ANTXR2: variants seen among roughly 807,000 people sequenced by gnomAD.
ANTXR2 encodes ANTXR cell adhesion molecule 2.
A neutral mutation model predicts 73.7 loss-of-function variants in ANTXR2; 44 were observed. That is an observed-to-expected ratio of 0.60 (90% confidence interval 0.47 to 0.77). The LOEUF (loss-of-function observed/expected upper bound fraction) is 0.77, where lower values mean the gene tolerates loss of function less well. Among genes scored for constraint, ANTXR2 ranks in the 30% least tolerant of loss-of-function variants. ANTXR2 has a pLI of 0.00. For missense variants in ANTXR2, 604 were observed against 592.5 expected (o/e 1.02, Z -0.20); for synonymous variants, 217 against 205.9 (o/e 1.05, Z -0.46).
chr4:80,021,075 G>A (rs934940398), intron 10 of ANTXR2, among the ~76,000 whole-genome samples: 1 of 147,632 alleles, frequency 6.8e-6, no homozygotes, highest in Non-Finnish European at 1.5e-5. Flanking sequence ...CTTGAACCCG[G>A]GAGGCAGAGG....
chr4:79,943,814 G>T (rs572599946), intron 16 of ANTXR2, among the ~76,000 whole-genome samples: 21 of 151,998 alleles, frequency 1.4e-4, no homozygotes, highest in African/African-American at 5.1e-4. Flanking sequence ...GAAATATTTT[G>T]ATGTCTGGTT....
intron 10 of ANTXR2, among the ~76,000 whole-genome samples, chr4:80,028,422 T>A (rs927371486): frequency 3.3e-5 from 5 of 152,028 alleles, no homozygotes; most frequent in Non-Finnish European, 5.9e-5. Context: ...AAAAGAATAA[T>A]CCTCAAACAA....
chr4:80,027,932 G>T (rs766061924), intron 10 of ANTXR2, among the ~76,000 whole-genome samples: 1 of 152,100 alleles, frequency 6.6e-6, no homozygotes, highest in Non-Finnish European at 1.5e-5. Context: ...ATCAGAGAAT[G>T]CATCCTATTC....
At chr4:80,001,388 T>G (rs1050769049) in intron 12 of ANTXR2, among the ~76,000 whole-genome samples, 2 of 145,086 alleles carry the variant, frequency 1.4e-5, no homozygotes, top group African/African-American at 5.1e-5. Flanking sequence ...CATTGTTCAA[T>G]TCCCACATTC....
At chr4:80,034,909 G>A (rs193112992) in intron 8 of ANTXR2, among the ~76,000 whole-genome samples, 15 of 152,142 alleles carry the variant, frequency 9.9e-5, no homozygotes, top group Admixed American at 3.3e-4. Flanking sequence ...ATAAAGTGCA[G>A]GTAAAATGTG....
At chr4:79,997,941 A>G (rs1399115058) in intron 12 of ANTXR2, among the ~76,000 whole-genome samples, 1 of 152,004 alleles carries the variant, frequency 6.6e-6, no homozygotes, top group African/African-American at 2.4e-5. Flanking sequence ...AACATAAATC[A>G]TTTTAATTAA....
intron 12 of ANTXR2, among the ~76,000 whole-genome samples, chr4:80,007,345 A>G (rs1731352038): frequency 6.6e-6 from 1 of 152,180 alleles, no homozygotes; most frequent in Non-Finnish European, 1.5e-5. Context: ...TAAAAGGAAT[A>G]TTCTCAAAAT....
chr4:79,934,855 A>T (rs568916425), intron 16 of ANTXR2, among the ~76,000 whole-genome samples: 8 of 152,156 alleles, frequency 5.3e-5, no homozygotes, highest in African/African-American at 1.9e-4. Context: ...AAAAAAAAAA[A>T]ACTGTCTACT....
chr4:80,000,936 A>C (rs1731000075), intron 12 of ANTXR2, among the ~76,000 whole-genome samples: 1 of 152,046 alleles, frequency 6.6e-6, no homozygotes, highest in African/African-American at 2.4e-5. Flanking sequence ...ACCCCTGAGG[A>C]AGCTGTCCAT....
chr4:80,031,555 A>T, intron 10 of ANTXR2, 68 bp downstream of exon 10: 1 of 1,178,632 alleles, frequency 8.5e-7, no homozygotes, highest in Non-Finnish European at 1.2e-6. Flanking sequence ...TGACCAATGT[A>T]TATGTCACCA....
At chr4:80,042,797 T>C (rs564727889) in intron 7 of ANTXR2, among the ~76,000 whole-genome samples, 27 of 151,992 alleles carry the variant, frequency 1.8e-4, no homozygotes, top group South Asian at 6.2e-4. Context: ...GATCCCAACA[T>C]CGCAAAAACA....
intron 11 of ANTXR2, among the ~76,000 whole-genome samples, chr4:80,017,015 C>T (rs1202645100): frequency 6.6e-6 from 1 of 152,264 alleles, no homozygotes; most frequent in African/African-American, 2.4e-5. Flanking sequence ...CTCGCAAAGT[C>T]TGTTTTCATA....
At chr4:80,001,230 T>C (rs907871547) in intron 12 of ANTXR2, among the ~76,000 whole-genome samples, 4 of 151,864 alleles carry the variant, frequency 2.6e-5, no homozygotes, top group African/African-American at 7.2e-5. Flanking sequence ...GTTAGTTACA[T>C]ATGTATACAT....
At chr4:79,999,776 T>C (rs1297699096) in intron 12 of ANTXR2, among the ~76,000 whole-genome samples, 1 of 152,020 alleles carries the variant, frequency 6.6e-6, no homozygotes, top group Non-Finnish European at 1.5e-5. Flanking sequence ...TAGTAGTCAG[T>C]AGTTATGGTG....
chr4:79,960,965 A>C (rs1729118063), intron 16 of ANTXR2, among the ~76,000 whole-genome samples: 1 of 152,002 alleles, frequency 6.6e-6, no homozygotes, highest in South Asian at 2.1e-4. Flanking sequence ...GGGCAATAAA[A>C]GCTTCCTACT....
chr4:80,029,913 A>AGACC (rs984770838), intron 10 of ANTXR2, among the ~76,000 whole-genome samples: 2 of 151,936 alleles, frequency 1.3e-5, no homozygotes, highest in African/African-American at 4.8e-5. Flanking sequence ...ATGAGAGGCC[A>AGACC]GACCCTGTAG....
rs529341744 is a variant in ANTXR2, at chr4:80,019,706, C to A, written c.867-730G>T. 3.9e-5 allele frequency among the ~76,000 whole-genome samples: 6 copies of A among 151,994 alleles called. No individual in the cohort carries two copies. In the East Asian group the frequency reaches 9.7e-4, roughly 24 times the overall value. On this transcript the variant is annotated intron_variant, in intron 10 of 16. Coordinates refer to ENST00000403729, the MANE Select transcript of ANTXR2 (RefSeq NM_058172.6). ...AGAAAGTGAATATGAAAGACAGCAA[C>A]AAAGAAAAGAAAGGGAGAAAGATTT...
rs1219140691 is a variant in ANTXR2 at position 79,955,839 on chromosome 4, G to A, written c.1428+21782C>T. On this transcript the variant is annotated intron_variant, in intron 16 of 16. Transcript: ENST00000403729. ...AGTGTTCTTTCCAATATGCCACCAAGGGCTATAGGAATAGCTCTAATTTTT... is the reference window on the plus strand; with the variant it reads ...AGTGTTCTTTCCAATATGCCACCAAAGGCTATAGGAATAGCTCTAATTTTT... 3.9e-5 allele frequency among the ~76,000 whole-genome samples: 6 copies of A among 152,158 alleles called. No individual in the cohort carries two copies. In the East Asian group the frequency reaches 9.6e-4, roughly 24 times the overall value.
intron 12 of ANTXR2, among the ~76,000 whole-genome samples, chr4:79,994,202 T>C (rs1730618087): frequency 6.6e-6 from 1 of 152,024 alleles, no homozygotes; most frequent in African/African-American, 2.4e-5. Flanking sequence ...CTTATTTCTC[T>C]ATCTCCAATT....
Sources: allele counts gnomAD v4.1 joint callset (sites outside exome capture counted in the v4.1 genomes callset), GRCh38; gene constraint gnomAD v4.1.1; transcripts MANE v1.5; gene names NCBI Gene and HGNC (gene_info 2026-07-23, HGNC 2026-07-21).